The following ZNF700 variants were observed in gnomAD, a reference collection of about 807,000 sequenced individuals.
The protein encoded by ZNF700 is zinc finger protein 700.
A neutral mutation model predicts 65.3 loss-of-function variants in ZNF700; 38 were observed. The ratio of observed to expected loss-of-function variants is 0.58; its 90% CI spans 0.45 to 0.76. The LOEUF (loss-of-function observed/expected upper bound fraction) is 0.76, where lower values mean the gene tolerates loss of function less well. ZNF700 is among the 30% of genes least tolerant of loss of function. ZNF700 has a pLI of 0.00. For missense variants in ZNF700, 857 were observed against 888.4 expected (o/e 0.96, Z 0.45); for synonymous variants, 285 against 290.4 (o/e 0.98, Z 0.19).
At chr19:11,936,124 T>G (rs1166485240) in intron 1 of ZNF700, among the ~76,000 whole-genome samples, 2 of 152,218 alleles carry the variant, frequency 1.3e-5, no homozygotes, top group Admixed American at 1.3e-4. Flanking sequence ...ACATTTGGGT[T>G]GGTTCCAAGT....
At chr19:11,926,551 C>A (rs996032477) in intron 1 of ZNF700, 1 of 153,066 alleles carries the variant, frequency 6.5e-6, no homozygotes, top group Non-Finnish European at 1.5e-5. Context: ...ACTATGCCCT[C>A]CTAATTTTTG....
Position 11,949,031 on chromosome 19 carries a change from G to A in ZNF700, c.1007G>A (p.Cys336Tyr), listed in dbSNP as rs759242887. Reference protein sequence around the residue: ...RTHSGKKPYECKQYGEGLSYL... With the variant: ...RTHSGKKPYEYKQYGEGLSYL... ...CACTCTGGGAAAAAACCGTATGAAT[G>A]TAAGCAATATGGGGAAGGCTTATCC... Residue 336 changes from cysteine to tyrosine, a missense_variant, in exon 4 of 4, where the codon TGT becomes TAT. Cys to Tyr is a radical substitution (Grantham distance 194, BLOSUM62 -2). Transcript: ENST00000254321. 14 of 1,607,764 alleles carry A rather than the reference G, an allele frequency of 8.7e-6. No individual in the cohort carries two copies. Among genetic ancestry groups the A allele is most frequent in the Middle Eastern group, 3.3e-4 (2 of 6,038 alleles).
chr19:11,926,922 A>C (rs1007760457), intron 1 of ZNF700, among the ~76,000 whole-genome samples: 1 of 152,112 alleles, frequency 6.6e-6, no homozygotes, highest in Admixed American at 6.5e-5. Context: ...TAGACTCAGT[A>C]CTCCAAAACT....
At position 11,947,592 on chromosome 19, in the gene ZNF700, G is replaced by A; in HGVS notation, c.251+18G>A. On this transcript the variant is annotated intron_variant, in intron 3 of 3. Transcript: ENST00000254321. ...AGCTTCAGGTAATTTGCATTTCCAA[G>A]AGAAAGCAGTGTCTCTCTGCACAAT... 6.2e-7 allele frequency: 1 copy of A among 1,610,228 alleles called. No individual in the cohort carries two copies. The highest frequency in any genetic ancestry group is 1.7e-5 in the Admixed American group (1 of 59,816).
At position 11,950,553 on chromosome 19, in the gene ZNF700, G is replaced by T; in HGVS notation, c.*300G>T. ...CTATGAATGTAAGCAATGTGGGAAAGCCTTCAGATGTGCCTCGCACCTTCA... is the reference window on the plus strand; with the variant it reads ...CTATGAATGTAAGCAATGTGGGAAATCCTTCAGATGTGCCTCGCACCTTCA... On this transcript the variant is annotated 3_prime_UTR_variant, in exon 4 of 4. Coordinates refer to ENST00000254321, the MANE Select transcript of ZNF700 (RefSeq NM_144566.3). 1 of 578,514 alleles carries T rather than the reference G, an allele frequency of 1.7e-6. No individual in the cohort carries two copies. The highest frequency in any genetic ancestry group is 3.3e-6 in the Non-Finnish European group (1 of 306,524). The allele number at this position is 578,514 out of a possible 1,614,324, so 35.8% of individuals were successfully genotyped here.
chr19:11,949,494 A>C lies in ZNF700; in HGVS notation c.1470A>C (p.Gln490His), dbSNP rs574674142. The C allele has an allele frequency of 4.3e-6, 7 of 1,612,330 alleles. No individual in the cohort carries two copies. Among genetic ancestry groups the C allele is most frequent in the Non-Finnish European group, 5.9e-6 (7 of 1,179,644 alleles). ...GKAFRYVKHL[Q>H]IHERTEKHIR... Reference sequence around the variant, plus strand: ...CCTTCAGATATGTGAAGCACCTTCAAATTCATGAAAGGACAGAAAAACACA... The same window carrying C: ...CCTTCAGATATGTGAAGCACCTTCACATTCATGAAAGGACAGAAAAACACA... The change falls in exon 4 of 4, where the codon CAA (glutamine) becomes CAC (histidine). Residue 490 changes from glutamine (Q) to histidine (H), a missense_variant. Physicochemically the swap from Gln to His is conservative, Grantham distance 24. Transcript: ENST00000254321.
intron 1 of ZNF700, among the ~76,000 whole-genome samples, chr19:11,940,598 G>T (rs1174364423): frequency 6.6e-6 from 1 of 152,122 alleles, no homozygotes; most frequent in African/African-American, 2.4e-5. Context: ...AAGCAGCGTG[G>T]ACCCAAAGAG....
chr19:11,949,829 G>C lies in ZNF700; in HGVS notation c.1805G>C (p.Ser602Thr), dbSNP rs1165945439. ...TGTAAGCAATGTGGGAAAGCCTTCAGTTGTGCCTCAAACCTTCGAAAGCAT... is the reference window on the plus strand; with the variant it reads ...TGTAAGCAATGTGGGAAAGCCTTCACTTGTGCCTCAAACCTTCGAAAGCAT... ...YECKQCGKAF[S>T]CASNLRKHGR... Residue 602 changes from serine (S) to threonine (T), a missense_variant, in exon 4 of 4, where the codon AGT (serine) becomes ACT (threonine). Coordinates refer to ENST00000254321, the MANE Select transcript of ZNF700 (RefSeq NM_144566.3). The C allele has an allele frequency of 1.2e-6, 2 of 1,612,718 alleles. No individual in the cohort carries two copies. Among genetic ancestry groups the C allele is most frequent in the African/African-American group, 1.3e-5 (1 of 74,516 alleles).
Position 11,948,853 on chromosome 19 carries a change from C to A in ZNF700, c.829C>A (p.Pro277Thr). 6.2e-7 allele frequency: 1 copy of A among 1,606,844 alleles called. No homozygotes were observed. Residue 277 changes from proline (P) to threonine (T), a missense_variant, in exon 4 of 4, where the codon CCC becomes ACC. Physicochemically the swap from Pro to Thr is conservative, Grantham distance 38. This residue lies in a region of ZNF700 where 603 missense variants were observed against 619.9 expected (regional missense o/e 0.97). Coordinates refer to ENST00000254321, the MANE Select transcript of ZNF700 (RefSeq NM_144566.3). ...TGAAAGAACTCACACTGGGGAGAAG[C>A]CCTATGAATGTAGCAAATGTGATAA... ...IHERTHTGEK[P>T]YECSKCDKAF...
At chr19:11,941,441 G>A (rs866576653) in intron 1 of ZNF700, among the ~76,000 whole-genome samples, 3 of 152,230 alleles carry the variant, frequency 2.0e-5, no homozygotes, top group East Asian at 1.9e-4. Context: ...GCCCTGCCCC[G>A]TGGGAAGGCA....
intron 1 of ZNF700, among the ~76,000 whole-genome samples, chr19:11,933,990 A>G (rs1168807010): frequency 6.8e-6 from 1 of 147,620 alleles, no homozygotes; most frequent in African/African-American, 2.7e-5. Context: ...ATTTTCTTTC[A>G]TCACTGAGTA....
intron 1 of ZNF700, 113 bp downstream of exon 1, chr19:11,925,386 C>A (rs950295205): frequency 2.6e-6 from 4 of 1,513,518 alleles, no homozygotes; most frequent in Non-Finnish European, 3.6e-6. Flanking sequence ...GGTCTGGGAC[C>A]GAGTCCTCCT....
intron 1 of ZNF700, among the ~76,000 whole-genome samples, chr19:11,935,231 T>G (rs1049304557): frequency 2.5e-4 from 36 of 142,180 alleles, no homozygotes; most frequent in African/African-American, 9.4e-4. Context: ...TGGAAAGATC[T>G]TGTTTTTTTT....
At chr19:11,941,683 C>T (rs1055242245) in intron 1 of ZNF700, among the ~76,000 whole-genome samples, 1 of 152,220 alleles carries the variant, frequency 6.6e-6, no homozygotes, top group African/African-American at 2.4e-5. Context: ...TCTCCCTCCA[C>T]CCCTCCCTGC....
intron 1 of ZNF700, among the ~76,000 whole-genome samples, chr19:11,940,256 A>T (rs1364729674): frequency 6.6e-6 from 1 of 152,174 alleles, no homozygotes; most frequent in Non-Finnish European, 1.5e-5. Flanking sequence ...AGTATAAATA[A>T]TATTTCAATG....
rs138950068 is a variant in ZNF700, at chr19:11,940,182, G to A, written c.64-6999G>A. Among the ~76,000 whole-genome samples, 114 of 152,188 alleles carry A rather than the reference G, an allele frequency of 7.5e-4. 1 individual carries two copies. The highest frequency in any genetic ancestry group is 2.6e-3 in the African/African-American group (106 of 41,518). On this transcript the variant is annotated intron_variant, in intron 1 of 3. Transcript: ENST00000254321. ...CAACCTCAGGTGATCGACCTGCCTC[G>A]GCCTCCAAAAGTGCTGGGCTTATAG...
Position 11,925,221 on chromosome 19 carries a change from G to T in ZNF700, c.11G>T (p.Cys4Phe). 1 of 1,612,964 alleles carries T rather than the reference G, an allele frequency of 6.2e-7. No individual in the cohort carries two copies. Among genetic ancestry groups the T allele is most frequent in the African/African-American group, 1.3e-5 (1 of 75,022 alleles). ...TCTGTCGCCTGCGCTATGCCCTGCT[G>T]TAGTCACAGGAGCTGTAGAGAGGAC... MPC[C>F]SHRSCREDPG... The change falls in exon 1 of 4, where the codon TGT becomes TTT. Residue 4 changes from cysteine (C) to phenylalanine (F), a missense_variant. Cys to Phe is a radical substitution (Grantham distance 205, BLOSUM62 -2). Coordinates refer to ENST00000254321, the MANE Select transcript of ZNF700 (RefSeq NM_144566.3).
intron 1 of ZNF700, among the ~76,000 whole-genome samples, chr19:11,926,913 A>G (rs1436844576): frequency 6.6e-6 from 1 of 152,194 alleles, no homozygotes; most frequent in African/African-American, 2.4e-5. Flanking sequence ...CTAGGGAAAT[A>G]GACTCAGTAC....
chr19:11,931,269 G>T (rs1180600662), intron 1 of ZNF700, among the ~76,000 whole-genome samples: 1 of 147,960 alleles, frequency 6.8e-6, no homozygotes, highest in Non-Finnish European at 1.5e-5. Context: ...CAGATCTAGT[G>T]TCCAGCAAGG....
Sources: allele counts gnomAD v4.1 joint callset (sites outside exome capture counted in the v4.1 genomes callset), GRCh38; gene constraint gnomAD v4.1.1; regional missense constraint gnomAD v4.1.1; transcripts MANE v1.5; gene names NCBI Gene and HGNC (gene_info 2026-07-23, HGNC 2026-07-21).